Variants in OR9A2 observed in about 807,000 individuals in gnomAD.
OR9A2 encodes the protein olfactory receptor family 9 subfamily A member 2.
Under a neutral mutation model 18.7 loss-of-function variants are expected in OR9A2, and 14 were observed. The observed-to-expected ratio is 0.75, with a 90% CI of 0.50 to 1.17. The LOEUF (loss-of-function observed/expected upper bound fraction) is 1.17. Among genes scored for constraint, OR9A2 ranks in the 50% most tolerant of loss-of-function variants. OR9A2 has a pLI of 0.00. For missense variants in OR9A2, 353 were observed against 372.7 expected (o/e 0.95, Z 0.44); for synonymous variants, 142 against 142.6 (o/e 1.00, Z 0.03).
Position 143,026,646 on chromosome 7 carries a change from T to TAA in OR9A2, c.485_486dup (p.Thr163LeufsTer9). 1 of 1,614,160 alleles carries TAA rather than the reference T, an allele frequency of 6.2e-7. No homozygotes were observed. The highest frequency in any genetic ancestry group is 1.1e-5 in the South Asian group (1 of 91,088). On this transcript the variant is annotated frameshift_variant, in exon 1 of 1. Transcript: ENST00000350513. LOFTEE classifies it high-confidence loss of function. ...TCTAATGAATTTGATTTGCGGAAGG[T>TAA]AAACTGAAATGTGGCATAGATGGGC...
In OR9A2 at chr7:143,026,900, G is replaced by T; in HGVS notation, c.233C>A (p.Pro78His). ...GAAGAGCAATCCCCAAAGCATCATGGGGACAATTATGGTTGTGACCAGGAT... is the reference window on the plus strand; with the variant it reads ...GAAGAGCAATCCCCAAAGCATCATGTGGACAATTATGGTTGTGACCAGGAT... ...LEILVTTIIV[P>H]MMLWGLLFLG... is the part of the protein sequence containing the mutation. Residue 78 changes from proline (P) to histidine (H), a missense_variant, in exon 1 of 1, where the codon CCC becomes CAC. Transcript: ENST00000350513. The T allele has an allele frequency of 6.2e-7, 1 of 1,614,184 alleles. No homozygotes were observed. Among genetic ancestry groups the T allele is most frequent in the East Asian group, 2.2e-5 (1 of 44,876 alleles).
Position 143,027,026 on chromosome 7 carries a change from A to C in OR9A2, c.107T>G (p.Val36Gly). 6.2e-7 allele frequency: 1 copy of C among 1,614,034 alleles called. No individual in the cohort carries two copies. Among genetic ancestry groups the C allele is most frequent in the East Asian group, 2.2e-5 (1 of 44,884 alleles). ...GATGACCGTGTTTCCCATTAATGTC[A>C]CTAAATAGAAGAAAAAGAATATAGC... ...LFAIFFFFYL[V>G]TLMGNTVIIV... The change falls in exon 1 of 1, where the codon GTG becomes GGG. Residue 36 changes from valine to glycine, a missense_variant. Val to Gly is a moderately radical substitution (Grantham distance 109, BLOSUM62 -3). Transcript: ENST00000350513.
In OR9A2 at chr7:143,026,212, G is replaced by A. The variant is rs1797836112; in HGVS notation, c.921C>T (p.Leu307=). The change falls in exon 1 of 1, where the codon CTC becomes CTT. Residue 307 remains leucine (L), a synonymous_variant. Coordinates refer to ENST00000350513, the MANE Select transcript of OR9A2 (RefSeq NM_001001658.1). ...LRDGMKRCCQ[L]LKD is the part of the protein sequence containing the mutation. Reference sequence around the variant, plus strand: ...ACTTACAGAACAGCTAATCTTTCAGGAGTTGACAGCAGCGTTTCATCCCAT... The same window carrying A: ...ACTTACAGAACAGCTAATCTTTCAGAAGTTGACAGCAGCGTTTCATCCCAT... The A allele has an allele frequency of 1.9e-6, 3 of 1,593,758 alleles. No individual in the cohort carries two copies. Among genetic ancestry groups the A allele is most frequent in the African/African-American group, 2.7e-5 (2 of 74,078 alleles).
In OR9A2 at chr7:143,026,507, G is replaced by A. The variant is rs942894212; in HGVS notation, c.626C>T (p.Pro209Leu). 3.7e-6 allele frequency: 6 copies of A among 1,613,992 alleles called. No individual in the cohort carries two copies. The highest frequency in any genetic ancestry group is 5.1e-6 in the Non-Finnish European group (6 of 1,180,026). Residue 209 changes from proline to leucine, a missense_variant, in exon 1 of 1, where the codon CCT becomes CTT. Pro to Leu is a moderately conservative substitution (Grantham distance 98). Coordinates refer to ENST00000350513, the MANE Select transcript of OR9A2 (RefSeq NM_001001658.1). ...AATGTAGGTGTAGGAGACAATCGTA[G>A]GGATCAAAGAACCAATGAGAATAAA... ...AVFILIGSLIPTIVSYTYIIS... is the reference protein window; with the variant it reads ...AVFILIGSLILTIVSYTYIIS...
Position 143,026,417 on chromosome 7 carries a change from G to A in OR9A2, c.716C>T (p.Ser239Phe). Reference protein sequence around the residue: ...GRRKAFSTFASHFTCVVIGYG... With the variant: ...GRRKAFSTFAFHFTCVVIGYG... Reference sequence around the variant, plus strand: ...GCCAATCACAACACAGGTGAAGTGGGAGGCAAAAGTGGAGAAGGCTTTCCT... The same window carrying A: ...GCCAATCACAACACAGGTGAAGTGGAAGGCAAAAGTGGAGAAGGCTTTCCT... The change falls in exon 1 of 1, where the codon TCC (serine) becomes TTC (phenylalanine). Residue 239 changes from serine (S) to phenylalanine (F), a missense_variant. Ser to Phe is a radical substitution (Grantham distance 155). Coordinates refer to ENST00000350513, the MANE Select transcript of OR9A2 (RefSeq NM_001001658.1). The A allele has an allele frequency of 1.9e-6, 3 of 1,614,172 alleles. No homozygotes were observed. The highest frequency in any genetic ancestry group is 2.5e-6 in the Non-Finnish European group (3 of 1,180,040).
chr7:143,027,105 C>CTAG lies in OR9A2; in HGVS notation c.27_28insCTA (p.Thr9_Glu10insLeu). 1 of 1,606,474 alleles carries CTAG rather than the reference C, an allele frequency of 6.2e-7. No homozygotes were observed. On this transcript the variant is annotated inframe_insertion, in exon 1 of 1. Transcript: ENST00000350513. Reference sequence around the variant, plus strand: ...CCAGGGAAGCCTAGAAGGTGGAATTCAGTGGCACTAGAGTGGTTGTCCATC... The same window carrying CTAG: ...CCAGGGAAGCCTAGAAGGTGGAATTCTAGAGTGGCACTAGAGTGGTTGTCCATC...
chr7:143,026,405 C>G lies in OR9A2; in HGVS notation c.728G>C (p.Cys243Ser), dbSNP rs758552143. Residue 243 changes from cysteine to serine, a missense_variant, in exon 1 of 1, where the codon TGT becomes TCT. Physicochemically the swap from Cys to Ser is moderately radical, Grantham distance 112. Transcript: ENST00000350513. ...AFSTFASHFT[C>S]VVIGYGSCLF... ...GCAGCTGCCATAGCCAATCACAACA[C>G]AGGTGAAGTGGGAGGCAAAAGTGGA... 9.3e-6 allele frequency: 15 copies of G among 1,613,986 alleles called. No homozygotes were observed. The highest frequency in any genetic ancestry group is 1.3e-5 in the Non-Finnish European group (15 of 1,180,022).
Position 143,026,423 on chromosome 7 carries a change from A to C in OR9A2, c.710T>G (p.Phe237Cys), listed in dbSNP as rs750446664. The change falls in exon 1 of 1, where the codon TTT becomes TGT. Residue 237 changes from phenylalanine to cysteine, a missense_variant. By Grantham distance (205) the Phe-to-Cys change is radical. Coordinates refer to ENST00000350513, the MANE Select transcript of OR9A2 (RefSeq NM_001001658.1). Reference protein sequence around the residue: ...ASGRRKAFSTFASHFTCVVIG... With the variant: ...ASGRRKAFSTCASHFTCVVIG... ...CACAACACAGGTGAAGTGGGAGGCAAAAGTGGAGAAGGCTTTCCTCCGGCC... is the reference window on the plus strand; with the variant it reads ...CACAACACAGGTGAAGTGGGAGGCACAAGTGGAGAAGGCTTTCCTCCGGCC... 8.7e-6 allele frequency: 14 copies of C among 1,614,020 alleles called. No individual in the cohort carries two copies. The highest frequency in any genetic ancestry group is 3.3e-5 in the Admixed American group (2 of 60,000).
At position 143,026,593 on chromosome 7, in the gene OR9A2, C is replaced by G; in HGVS notation, c.540G>C (p.Leu180Phe). The stretch of plus-strand genomic sequence containing the variant: ...GAGTGTTATCGCAGGACAGTTTGAG[C>G]AATTGCCCTCGGTCACAGTAAAAAT... ...LDHFYCDRGQ[L>F]LKLSCDNTLL... The change falls in exon 1 of 1, where the codon TTG becomes TTC. Residue 180 changes from leucine to phenylalanine, a missense_variant. Leu to Phe is a conservative substitution (Grantham distance 22). Coordinates refer to ENST00000350513, the MANE Select transcript of OR9A2 (RefSeq NM_001001658.1). The G allele has an allele frequency of 6.2e-7, 1 of 1,614,190 alleles. No homozygotes were observed. The highest frequency in any genetic ancestry group is 1.1e-5 in the South Asian group (1 of 91,080).
Position 143,026,495 on chromosome 7 carries a change from G to T in OR9A2, c.638C>A (p.Ser213Tyr), listed in dbSNP as rs1317248278. ...LIGSLIPTIV[S>Y]YTYIISTILK... ...GATGGTGGAGATAATGTAGGTGTAG[G>T]AGACAATCGTAGGGATCAAAGAACC... The change falls in exon 1 of 1, where the codon TCC becomes TAC. Residue 213 changes from serine to tyrosine, a missense_variant. Coordinates refer to ENST00000350513, the MANE Select transcript of OR9A2 (RefSeq NM_001001658.1). 1 of 1,614,002 alleles carries T rather than the reference G, an allele frequency of 6.2e-7. No individual in the cohort carries two copies. Among genetic ancestry groups the T allele is most frequent in the Non-Finnish European group, 8.5e-7 (1 of 1,180,028 alleles).
rs150207251 is a variant in OR9A2, at chr7:143,026,603, C to T, written c.530G>A (p.Arg177Gln). The change falls in exon 1 of 1, where the codon CGA (arginine) becomes CAA (glutamine). Residue 177 changes from arginine (R) to glutamine (Q), a missense_variant. Transcript: ENST00000350513. Reference sequence around the variant, plus strand: ...GCAGGACAGTTTGAGCAATTGCCCTCGGTCACAGTAAAAATGGTCTAATGA... The same window carrying T: ...GCAGGACAGTTTGAGCAATTGCCCTTGGTCACAGTAAAAATGGTCTAATGA... ...SNSLDHFYCDRGQLLKLSCDN... is the reference protein window; with the variant it reads ...SNSLDHFYCDQGQLLKLSCDN... 3.5e-4 allele frequency: 567 copies of T among 1,614,134 alleles called. 3 individuals are homozygous for T. The African/African-American group carries it at 6.5e-3, about 19-fold the overall frequency.
At position 143,026,853 on chromosome 7, in the gene OR9A2, A is replaced by G; in HGVS notation, c.280T>C (p.Ser94Pro). ...LLFLGCRQYL[S>P]LHVSLNFSCG... ...GAAAAGTTGAGCGATACATGTAGAG[A>G]AAGATACTGTCTGCATCCCAGGAAG... The change falls in exon 1 of 1, where the codon TCT (serine) becomes CCT (proline). Residue 94 changes from serine (S) to proline (P), a missense_variant. Transcript: ENST00000350513. 6.2e-7 allele frequency: 1 copy of G among 1,614,196 alleles called. No homozygotes were observed. The highest frequency in any genetic ancestry group is 8.5e-7 in the Non-Finnish European group (1 of 1,180,038).
Position 143,026,301 on chromosome 7 carries a change from T to A in OR9A2, c.832A>T (p.Thr278Ser). Residue 278 changes from threonine to serine, a missense_variant, in exon 1 of 1, where the codon ACC (threonine) becomes TCC (serine). Transcript: ENST00000350513. Reference protein sequence around the residue: ...KIVSLLVSVLTPFLNPFIFTL... With the variant: ...KIVSLLVSVLSPFLNPFIFTL... ...AAGATGAAAGGATTCAGGAAGGGGG[T>A]TAACACAGAAACCAACAGGGAAACT... is the stretch of plus-strand genomic sequence containing the variant. 6.2e-7 allele frequency: 1 copy of A among 1,613,882 alleles called. No homozygotes were observed. Among genetic ancestry groups the A allele is most frequent in the Non-Finnish European group, 8.5e-7 (1 of 1,179,956 alleles).
chr7:143,026,681 G>A lies in OR9A2; in HGVS notation c.452C>T (p.Ser151Phe), dbSNP rs1797848502. The change falls in exon 1 of 1, where the codon TCT (serine) becomes TTT (phenylalanine). Residue 151 changes from serine to phenylalanine, a missense_variant. Coordinates refer to ENST00000350513, the MANE Select transcript of OR9A2 (RefSeq NM_001001658.1). Reference protein sequence around the residue: ...VIVSWVFGFLSEIWPIYATFQ... With the variant: ...VIVSWVFGFLFEIWPIYATFQ... ...TGTGGCATAGATGGGCCAGATTTCA[G>A]AAAGAAATCCAAACACCCATGACAC... 2 of 1,614,118 alleles carry A rather than the reference G, an allele frequency of 1.2e-6. No homozygotes were observed. Among genetic ancestry groups the A allele is most frequent in the Non-Finnish European group, 1.7e-6 (2 of 1,180,008 alleles).
At position 143,027,009 on chromosome 7, in the gene OR9A2, T is replaced by C; in HGVS notation, c.124A>G (p.Thr42Ala). Residue 42 changes from threonine to alanine, a missense_variant, in exon 1 of 1, where the codon ACG (threonine) becomes GCG (alanine). By Grantham distance (58) the Thr-to-Ala change is moderately conservative. Transcript: ENST00000350513. ...ACACAGACAATCACAATGATGACCG[T>C]GTTTCCCATTAATGTCACTAAATAG... ...FFYLVTLMGNTVIIVIVCVDK... is the reference protein window; with the variant it reads ...FFYLVTLMGNAVIIVIVCVDK... The C allele has an allele frequency of 6.2e-7, 1 of 1,614,092 alleles. No individual in the cohort carries two copies. Among genetic ancestry groups the C allele is most frequent in the South Asian group, 1.1e-5 (1 of 91,074 alleles).
rs1338662101 is a variant in OR9A2 at position 143,026,714 on chromosome 7, A to C, written c.419T>G (p.Val140Gly). The C allele has an allele frequency of 6.2e-7, 1 of 1,614,034 alleles. No individual in the cohort carries two copies. The highest frequency in any genetic ancestry group is 8.5e-7 in the Non-Finnish European group (1 of 1,180,052). Residue 140 changes from valine to glycine, a missense_variant, in exon 1 of 1, where the codon GTG (valine) becomes GGG (glycine). Physicochemically the swap from Val to Gly is moderately radical, Grantham distance 109 (BLOSUM62 -3). Coordinates refer to ENST00000350513, the MANE Select transcript of OR9A2 (RefSeq NM_001001658.1). ...IIMNSSTCIW[V>G]VIVSWVFGFL... ...TCCAAACACCCATGACACTATTACC[A>C]CCCAAATACAGGTACTGCTGTTCAT... is the stretch of plus-strand genomic sequence containing the variant.
In OR9A2 at chr7:143,026,913, T is replaced by C. The variant is rs1797853557; in HGVS notation, c.220A>G (p.Thr74Ala). ...HLSTLEILVT[T>A]IIVPMMLWGL... ...CAAAGCATCATGGGGACAATTATGG[T>C]TGTGACCAGGATCTCCAGGGTAGAG... Residue 74 changes from threonine to alanine, a missense_variant, in exon 1 of 1, where the codon ACC becomes GCC. Coordinates refer to ENST00000350513, the MANE Select transcript of OR9A2 (RefSeq NM_001001658.1). 1 of 1,614,142 alleles carries C rather than the reference T, an allele frequency of 6.2e-7. No individual in the cohort carries two copies. Among genetic ancestry groups the C allele is most frequent in the African/African-American group, 1.3e-5 (1 of 75,034 alleles).
chr7:143,026,723 C>T lies in OR9A2; in HGVS notation c.410G>A (p.Cys137Tyr), dbSNP rs373482592. 6.9e-5 allele frequency: 111 copies of T among 1,614,044 alleles called. No individual in the cohort carries two copies. The highest frequency in any genetic ancestry group is 9.1e-5 in the Non-Finnish European group (107 of 1,180,052). The change falls in exon 1 of 1, where the codon TGT becomes TAT. Residue 137 changes from cysteine (C) to tyrosine (Y), a missense_variant. Cys to Tyr is a radical substitution (Grantham distance 194, BLOSUM62 -2). Transcript: ENST00000350513. ...CCATGACACTATTACCACCCAAATACAGGTACTGCTGTTCATAATGATGTT... is the reference window on the plus strand; with the variant it reads ...CCATGACACTATTACCACCCAAATATAGGTACTGCTGTTCATAATGATGTT... ...RYNIIMNSST[C>Y]IWVVIVSWVF...
Position 143,026,825 on chromosome 7 carries a change from C to T in OR9A2, c.308G>A (p.Cys103Tyr), listed in dbSNP as rs1586312647. Residue 103 changes from cysteine to tyrosine, a missense_variant, in exon 1 of 1, where the codon TGT becomes TAT. Cys to Tyr is a radical substitution (Grantham distance 194, BLOSUM62 -2). Transcript: ENST00000350513. The stretch of plus-strand genomic sequence containing the variant: ...AAGTAATGCAAACTCCATGGTCCCA[C>T]AGGAAAAGTTGAGCGATACATGTAG... ...LSLHVSLNFS[C>Y]GTMEFALLGV... 1.9e-6 allele frequency: 3 copies of T among 1,614,124 alleles called. No individual in the cohort carries two copies. Among genetic ancestry groups the T allele is most frequent in the East Asian group, 2.2e-5 (1 of 44,866 alleles).
Sources: allele counts gnomAD v4.1 joint callset, GRCh38; gene constraint gnomAD v4.1.1; transcripts MANE v1.5; gene names NCBI Gene and HGNC (gene_info 2026-07-23, HGNC 2026-07-21).